Variants in ATP10B observed in about 807,000 individuals in gnomAD.
ATP10B encodes the protein ATPase phospholipid transporting 10B (putative), also known as phospholipid-transporting ATPase VB.
Under a neutral mutation model 141.2 loss-of-function variants are expected in ATP10B, and 122 were observed. That is an observed-to-expected ratio of 0.86 (90% CI 0.75 to 1.00). The LOEUF (loss-of-function observed/expected upper bound fraction) is 1.00. Ranked by LOEUF, ATP10B falls within the 50% of genes least tolerant of loss-of-function variation. The pLI is 0.00. For missense variants in ATP10B, 1,876 were observed against 1,825.3 expected, an observed-to-expected ratio of 1.03 and a Z score of -0.51; for synonymous variants, 685 against 692.0, an observed-to-expected ratio of 0.99 and a Z score of 0.16.
At position 160,649,195 on chromosome 5, in the gene ATP10B, T is replaced by C; in HGVS notation, c.737A>G (p.His246Arg). ...CATATAACCCTTAAATTTGTTGAGG[T>C]GGTTGTTGGGTTTCTCACACACGAT... ...NTIVCEKPNN[H>R]LNKFKGYMEH... Residue 246 changes from histidine (H) to arginine (R), a missense_variant, in exon 8 of 26, where the codon CAC (histidine) becomes CGC (arginine). Transcript: ENST00000327245. 1 of 1,613,668 alleles carries C rather than the reference T, an allele frequency of 6.2e-7. No individual in the cohort carries two copies. The highest frequency in any genetic ancestry group is 8.5e-7 in the Non-Finnish European group (1 of 1,179,758).
chr5:160,780,675 GAATT>G (rs1285248707), intron 2 of ATP10B, among the ~76,000 whole-genome samples: 4 of 151,970 alleles, frequency 2.6e-5, no homozygotes, highest in African/African-American at 9.7e-5. Flanking sequence ...ACCCACAAGA[GAATT>G]TATTCTTAAT....
At chr5:160,855,190 G>A (rs1753965496), upstream of ATP10B, among the ~76,000 whole-genome samples, 3 of 152,170 alleles carry the variant, frequency 2.0e-5, no homozygotes, top group South Asian at 6.2e-4. Context: ...TGCACGTTTA[G>A]TATTTTAAGA....
At chr5:160,820,437 T>TTCA (rs1774012217) in intron 1 of ATP10B, among the ~76,000 whole-genome samples, 1 of 151,998 alleles carries the variant, frequency 6.6e-6, no homozygotes, top group Non-Finnish European at 1.5e-5. Context: ...ACCTCATGGC[T>TTCA]TCACTGCTGA....
intron 1 of ATP10B, among the ~76,000 whole-genome samples, chr5:160,790,617 T>C (rs1182588898): frequency 6.6e-6 from 1 of 152,142 alleles, no homozygotes; most frequent in Admixed American, 6.6e-5. Context: ...AAGGAGAAAT[T>C]ACCCTTTGTG....
At chr5:160,651,861 A>G (rs1187158302) in intron 7 of ATP10B, among the ~76,000 whole-genome samples, 14 of 152,116 alleles carry the variant, frequency 9.2e-5, no homozygotes, top group Admixed American at 7.9e-4. Context: ...CTGAGCTCCA[A>G]GATGATGACA....
At chr5:160,853,975 GACC>G (rs1369489030), upstream of ATP10B, among the ~76,000 whole-genome samples, 1 of 151,776 alleles carries the variant, frequency 6.6e-6, no homozygotes, top group African/African-American at 2.4e-5. Flanking sequence ...ATTTCTTATT[GACC>G]ACATCATGCT....
chr5:160,876,635 C>T, the ATP10B span, among the ~76,000 whole-genome samples: 2 of 151,814 alleles, frequency 1.3e-5, no homozygotes, highest in Non-Finnish European at 1.5e-5. Context: ...TGATAGACTG[C>T]TAGCAAGACT....
intron 1 of ATP10B, among the ~76,000 whole-genome samples, chr5:160,795,961 ACACAGTC>A (rs1771923960): frequency 6.6e-6 from 1 of 152,156 alleles, no homozygotes; most frequent in South Asian, 2.1e-4. Context: ...TAGAAAATAA[ACACAGTC>A]CTCACTTGTA....
At chr5:160,888,094 C>T in the ATP10B span, among the ~76,000 whole-genome samples, 2 of 152,320 alleles carry the variant, frequency 1.3e-5, no homozygotes, top group South Asian at 4.1e-4. Flanking sequence ...TGGTCTGTGG[C>T]TCTTGCCCTG....
intron 2 of ATP10B, among the ~76,000 whole-genome samples, chr5:160,782,355 ATTG>A (rs1408122213): frequency 6.6e-6 from 1 of 151,644 alleles, no homozygotes; most frequent in Non-Finnish European, 1.5e-5. Context: ...CAGTTTTCTT[ATTG>A]TTCTGTAACA....
intron 21 of ATP10B, 124 bp from the exon 22 acceptor site, chr5:160,599,094 T>A: frequency 1.3e-6 from 1 of 750,338 alleles, no homozygotes; most frequent in Non-Finnish European, 2.2e-6. Flanking sequence ...CAGGGTTATG[T>A]AAGGATGAGA....
intron 2 of ATP10B, among the ~76,000 whole-genome samples, chr5:160,765,116 A>ATTATTATTGT (rs1344751056): frequency 6.6e-6 from 1 of 152,232 alleles, no homozygotes. Flanking sequence ...ATGAATGGGT[A>ATTATTATTGT]GAATCAATAT....
intron 23 of ATP10B, among the ~76,000 whole-genome samples, chr5:160,590,245 T>C (rs1756195986): frequency 6.6e-6 from 1 of 152,036 alleles, no homozygotes. Context: ...TGTAGGTCTG[T>C]TGAGCATATT....
chr5:160,916,849 A>C, the ATP10B span, among the ~76,000 whole-genome samples: 2 of 152,124 alleles, frequency 1.3e-5, no homozygotes, highest in Non-Finnish European at 2.9e-5. Flanking sequence ...AGTGGATTCT[A>C]AGCCTTATCA....
intron 7 of ATP10B, among the ~76,000 whole-genome samples, chr5:160,654,707 A>ATCGTCATCG (rs1382051228): frequency 4.7e-4 from 72 of 152,138 alleles, no homozygotes; most frequent in African/African-American, 1.7e-3. Context: ...CGTCATCGTC[A>ATCGTCATCG]TCATCATCAT....
At position 160,641,912 on chromosome 5, in the gene ATP10B, TGCA is replaced by T. The variant is rs559937327; in HGVS notation, c.869-1323_869-1321del. Among the ~76,000 whole-genome samples, 584 of 152,322 alleles carry T rather than the reference TGCA, an allele frequency of 3.8e-3. 3 individuals are homozygous for T. The highest frequency in any genetic ancestry group is 6.0e-3 in the Non-Finnish European group (409 of 68,024). ...GCTTTTAAAATTAGACTCAAGTTGC[TGCA>T]GTTGTGAGCAGGGGTTCCAGCAGTA... On this transcript the variant is annotated intron_variant, in intron 9 of 25. Coordinates refer to ENST00000327245, the MANE Select transcript of ATP10B (RefSeq NM_025153.3).
intron 3 of ATP10B, among the ~76,000 whole-genome samples, chr5:160,689,216 T>C (rs1403009310): frequency 6.6e-6 from 1 of 152,190 alleles, no homozygotes; most frequent in Non-Finnish European, 1.5e-5. Context: ...TAGGTATTGA[T>C]GGAAAGTATC....
At chr5:160,570,356 A>G (rs1201854355) in intron 24 of ATP10B, among the ~76,000 whole-genome samples, 2 of 152,158 alleles carry the variant, frequency 1.3e-5, no homozygotes, top group African/African-American at 2.4e-5. Flanking sequence ...GGCTAATGTT[A>G]ACTATAGTCA....
At chr5:160,905,432 A>C in the ATP10B span, among the ~76,000 whole-genome samples, 1 of 152,332 alleles carries the variant, frequency 6.6e-6, no homozygotes, top group African/African-American at 2.4e-5. Flanking sequence ...CCTCAGGTAT[A>C]AGATAAGACA....
Sources: allele counts gnomAD v4.1 joint callset (sites outside exome capture counted in the v4.1 genomes callset), GRCh38; gene constraint gnomAD v4.1.1; transcripts MANE v1.5; gene names NCBI Gene and HGNC (gene_info 2026-07-23, HGNC 2026-07-21).